The following SLC46A2 variants were observed in gnomAD, a reference collection of about 807,000 sequenced individuals.
SLC46A2 encodes thymic stromal co-transporter.
In SLC46A2, 25 loss-of-function variants were observed where a neutral mutation model predicts 33.1. The ratio of observed to expected loss-of-function variants is 0.76; its 90% CI spans 0.55 to 1.06. The LOEUF (loss-of-function observed/expected upper bound fraction) is 1.06. Ranked by LOEUF, SLC46A2 falls within the 50% of genes least tolerant of loss-of-function variation. The pLI is 0.00. For synonymous variants in SLC46A2, 254 were observed against 275.9 expected (o/e 0.92, Z 0.79); for missense variants, 622 against 621.7 (o/e 1.00, Z 0.00).
At chr9:112,880,726 G>C (rs1178895216) in intron 3 of SLC46A2, among the ~76,000 whole-genome samples, 2 of 152,308 alleles carry the variant, frequency 1.3e-5, no homozygotes, top group East Asian at 1.9e-4. Context: ...TGGTGGTCCT[G>C]TAACAAAGGG....
intron 2 of SLC46A2, 106 bp downstream of exon 2, chr9:112,887,224 G>T: frequency 1.0e-6 from 1 of 965,612 alleles, no homozygotes; most frequent in Non-Finnish European, 1.6e-6. Context: ...CTTCAAAGAT[G>T]CTTCTGGAAC....
chr9:112,879,752 G>A lies in SLC46A2; in HGVS notation c.*10C>T, dbSNP rs766059947. On this transcript the variant is annotated 3_prime_UTR_variant, in exon 4 of 4. Coordinates refer to ENST00000374228, the MANE Select transcript of SLC46A2 (RefSeq NM_033051.4). ...TGGCTGATGTTTTCAGTTCCTGCAG[G>A]TAAGCATCTTCATTTCTCTATGATG... is the stretch of plus-strand genomic sequence containing the variant. 3 of 1,611,116 alleles carry A rather than the reference G, an allele frequency of 1.9e-6. No homozygotes were observed. In the South Asian group the frequency reaches 3.3e-5, roughly 18 times the overall value.
At position 112,889,929 on chromosome 9, in the gene SLC46A2, G is replaced by A. The variant is rs753195812; in HGVS notation, c.753C>T (p.Gly251=). 3 of 1,614,126 alleles carry A rather than the reference G, an allele frequency of 1.9e-6. No individual in the cohort carries two copies. Among genetic ancestry groups the A allele is most frequent in the Non-Finnish European group, 2.5e-6 (3 of 1,180,046 alleles). The change falls in exon 1 of 4, where the codon GGC becomes GGT. Residue 251 remains glycine (G), a synonymous_variant. Transcript: ENST00000374228. ...PAVDTVSGTV[G]TYRTLDPDQL... ...GATCAGGATCCAGAGTGCGGTATGT[G>A]CCAACCGTGCCAGACACGGTATCCA...
intron 3 of SLC46A2, among the ~76,000 whole-genome samples, chr9:112,885,923 C>T (rs1339027923): frequency 6.6e-6 from 1 of 152,160 alleles, no homozygotes; most frequent in Non-Finnish European, 1.5e-5. Flanking sequence ...CTAGTGGTCT[C>T]CATAGAGTGC....
intron 3 of SLC46A2, among the ~76,000 whole-genome samples, chr9:112,882,463 G>T (rs1841591818): frequency 6.6e-6 from 1 of 152,182 alleles, no homozygotes; most frequent in Non-Finnish European, 1.5e-5. Context: ...CTTTCAGCAG[G>T]TGAGGACATG....
rs376720617 is a variant in SLC46A2 at position 112,890,584 on chromosome 9, G to A, written c.98C>T (p.Ala33Val). 1.2e-5 allele frequency: 19 copies of A among 1,611,446 alleles called. No individual in the cohort carries two copies. In the African/African-American group the frequency reaches 2.4e-4, roughly 20 times the overall value. Residue 33 changes from alanine (A) to valine (V), a missense_variant, in exon 1 of 4, where the codon GCC (alanine) becomes GTC (valine). By Grantham distance (64) the Ala-to-Val change is moderately conservative. Transcript: ENST00000374228. The surrounding 1 kb of genome is among the most constrained non-coding windows in gnomAD (Gnocchi z 6.0). The part of the protein sequence containing the change: ...EPVVASSQVA[A>V]SLYDAGLLLV... ...GAGTAGCCCCGCATCGTAGAGGGAG[G>A]CAGCCACCTGGGACGAGGCCACCAC...
chr9:112,884,072 A>C (rs1413185112), intron 3 of SLC46A2, among the ~76,000 whole-genome samples: 1 of 152,222 alleles, frequency 6.6e-6, no homozygotes, highest in African/African-American at 2.4e-5. Flanking sequence ...GGTTGTAGAT[A>C]AGCAGAACCT....
At chr9:112,883,335 C>T (rs114470007) in intron 3 of SLC46A2, among the ~76,000 whole-genome samples, 1,611 of 152,198 alleles carry the variant, frequency 0.011, 29 homozygotes, top group African/African-American at 0.037. Flanking sequence ...AGAGGCCGCA[C>T]CCAGATACCA....
chr9:112,879,820 C>T lies in SLC46A2; in HGVS notation c.1371-1G>A, dbSNP rs1307573199. 6.2e-7 allele frequency: 1 copy of T among 1,612,416 alleles called. No homozygotes were observed. Among genetic ancestry groups the T allele is most frequent in the South Asian group, 1.1e-5 (1 of 90,950 alleles). On this transcript the variant is annotated splice_acceptor_variant, in intron 3 of 3. Coordinates refer to ENST00000374228, the MANE Select transcript of SLC46A2 (RefSeq NM_033051.4). LOFTEE classifies it high-confidence loss of function. ...TGGGACTTGTTTATAGGCCACGATG[C>T]TGTAAGAATTGACCATAGAGAGTTA...
chr9:112,886,231 T>C (rs1332686036), intron 3 of SLC46A2, among the ~76,000 whole-genome samples: 3 of 152,246 alleles, frequency 2.0e-5, no homozygotes, highest in Non-Finnish European at 4.4e-5. Flanking sequence ...AGTGAGCCAG[T>C]GCCTAATGAC....
intron 1 of SLC46A2, 73 bp from the exon 2 acceptor site, chr9:112,887,486 C>A (rs1380247106): frequency 1.5e-6 from 2 of 1,351,816 alleles, no homozygotes; most frequent in Admixed American, 2.5e-5. Flanking sequence ...TCAAAAGCCT[C>A]TCTTAGAACC....
In SLC46A2 at chr9:112,889,714, C is replaced by A. The variant is rs1841700311; in HGVS notation, c.968G>T (p.Gly323Val). 1.2e-6 allele frequency: 2 copies of A among 1,613,962 alleles called. No homozygotes were observed. Residue 323 changes from glycine (G) to valine (V), a missense_variant, in exon 1 of 4, where the codon GGT (glycine) becomes GTT (valine). Physicochemically the swap from Gly to Val is moderately radical, Grantham distance 109. Transcript: ENST00000374228. ...GAAGATGGTGTACCCTGCAGCCATA[C>A]CATAGCCCACCTGCACTTGGTTCCA... ...LGWNQVQVGY[G>V]MAAGYTIFIT...
intron 1 of SLC46A2, 40 bp from the exon 2 acceptor site, chr9:112,887,453 A>C: frequency 6.5e-7 from 1 of 1,546,514 alleles, no homozygotes; most frequent in East Asian, 2.3e-5. Context: ...GCTGTAGCCC[A>C]GCCTGGGCCA....
At chr9:112,889,398 T>C (rs1354546702) in intron 1 of SLC46A2, among the ~76,000 whole-genome samples, 155 bp downstream of exon 1, 1 of 152,064 alleles carries the variant, frequency 6.6e-6, no homozygotes, top group African/African-American at 2.4e-5. Flanking sequence ...ACAGATAAAC[T>C]CAGGGGCATA....
At chr9:112,879,995 A>G (rs1203539580) in intron 3 of SLC46A2, 176 bp from the exon 4 acceptor site, 2 of 529,386 alleles carry the variant, frequency 3.8e-6, no homozygotes, top group African/African-American at 3.8e-5. Flanking sequence ...GCTAGCTAAA[A>G]GGAGCATGTT....
intron 1 of SLC46A2, among the ~76,000 whole-genome samples, chr9:112,887,935 G>GTGTA (rs1467844787): frequency 1.7e-4 from 24 of 143,052 alleles, no homozygotes; most frequent in African/African-American, 6.4e-4. Flanking sequence ...GTGTGTGTGT[G>GTGTA]TGTGTGTGTG....
chr9:112,885,533 GTC>G (rs1841631891), intron 3 of SLC46A2: 1 of 152,084 alleles, frequency 6.6e-6, no homozygotes, highest in East Asian at 1.9e-4. Flanking sequence ...GGGCCTAACA[GTC>G]TAAAGAGAAC....
At chr9:112,889,402 G>C in intron 1 of SLC46A2, 151 bp downstream of exon 1, 2 of 665,784 alleles carry the variant, frequency 3.0e-6, no homozygotes, top group Non-Finnish European at 5.1e-6. Context: ...ATAAACTCAG[G>C]GGCATATAAT....
chr9:112,879,942 G>C (rs1490458713), intron 3 of SLC46A2, 123 bp from the exon 4 acceptor site: 2 of 831,778 alleles, frequency 2.4e-6, no homozygotes, highest in Non-Finnish European at 4.0e-6. Context: ...GGTAGGCATT[G>C]ACCAAGGTGT....
Sources: allele counts gnomAD v4.1 joint callset (sites outside exome capture counted in the v4.1 genomes callset), GRCh38; gene constraint gnomAD v4.1.1; non-coding constraint Gnocchi (gnomAD v3.1); transcripts MANE v1.5; gene names NCBI Gene and HGNC (gene_info 2026-07-23, HGNC 2026-07-21).